The following CD2AP variants were observed in gnomAD, a reference collection of about 807,000 sequenced individuals.
The protein encoded by CD2AP is CD2-associated protein.
In CD2AP, 46 loss-of-function variants were observed where a neutral mutation model predicts 85.1. The ratio of observed to expected loss-of-function variants is 0.54; its 90% CI spans 0.43 to 0.69. The LOEUF (loss-of-function observed/expected upper bound fraction) is 0.69, where lower values mean the gene tolerates loss of function less well. Among genes scored for constraint, CD2AP ranks in the 30% least tolerant of loss-of-function variants. The probability of loss-of-function intolerance (pLI) is 0.00; values close to 1 mark genes in which losing one functional copy is unlikely to be tolerated. For missense variants in CD2AP, 769 were observed against 729.5 expected (o/e 1.05, Z -0.62); for synonymous variants, 255 against 252.9 (o/e 1.01, Z -0.08).
At position 47,606,186 on chromosome 6, in the gene CD2AP, T is replaced by A. The variant is rs765312040; in HGVS notation, c.1439T>A (p.Ile480Lys). Residue 480 changes from isoleucine to lysine, a missense_variant, in exon 14 of 18, where the codon ATA becomes AAA. Ile to Lys is a moderately radical substitution (Grantham distance 102). Transcript: ENST00000359314. ...CTAGATGTTGTAAATTTTGATGACATAGCTTCCTCAGAAAACTTGCTTCAT... is the reference window on the plus strand; with the variant it reads ...CTAGATGTTGTAAATTTTGATGACAAAGCTTCCTCAGAAAACTTGCTTCAT... Reference protein sequence around the residue: ...KETDVVNFDDIASSENLLHLT... With the variant: ...KETDVVNFDDKASSENLLHLT... 35 of 1,595,620 alleles carry A rather than the reference T, an allele frequency of 2.2e-5. No individual in the cohort carries two copies. The highest frequency in any genetic ancestry group is 2.4e-5 in the Non-Finnish European group (28 of 1,163,554).
intron 2 of CD2AP, among the ~76,000 whole-genome samples, chr6:47,528,188 G>A (rs1766779269): frequency 6.6e-6 from 1 of 151,834 alleles, no homozygotes; most frequent in Admixed American, 6.6e-5. Context: ...CTTCTTTTGG[G>A]GGATGAGACA....
At chr6:47,571,176 A>G (rs1220188626) in intron 5 of CD2AP, among the ~76,000 whole-genome samples, 8 of 152,190 alleles carry the variant, frequency 5.3e-5, no homozygotes, top group African/African-American at 1.7e-4. Context: ...CACCTAATAT[A>G]CTAATCTGTA....
At chr6:47,516,375 G>A (rs1336060192) in intron 2 of CD2AP, among the ~76,000 whole-genome samples, 1 of 152,204 alleles carries the variant, frequency 6.6e-6, no homozygotes, top group East Asian at 1.9e-4. Flanking sequence ...CCCTCTGGAA[G>A]TGGTCCATAT....
rs1276073623 is a variant in CD2AP, at chr6:47,624,510, CA to C, written c.*284del. The C allele has an allele frequency of 2.8e-6, 1 of 355,672 alleles. No homozygotes were observed. The highest frequency in any genetic ancestry group is 2.1e-5 in the African/African-American group (1 of 47,540). 22.0% of individuals were successfully genotyped at this position (355,672 alleles called of 1,614,324 possible). A position where few individuals can be genotyped will look rare whatever the true frequency, so the allele number is the denominator to read the frequency against. On this transcript the variant is annotated 3_prime_UTR_variant, in exon 18 of 18. Coordinates refer to ENST00000359314, the MANE Select transcript of CD2AP (RefSeq NM_012120.3). ...ACTACTGAATATAAATAAGAATGTG[CA>C]CAGTAGTTTTTTTATTGAAACTTGT...
Position 47,624,349 on chromosome 6 carries a change from G to A in CD2AP, c.*122G>A. 1.3e-6 allele frequency: 1 copy of A among 776,830 alleles called. No individual in the cohort carries two copies. Among genetic ancestry groups the A allele is most frequent in the Non-Finnish European group, 2.3e-6 (1 of 443,112 alleles). The allele number at this position is 776,830 out of a possible 1,614,324, so 48.1% of individuals were successfully genotyped here. A position where few individuals can be genotyped will look rare whatever the true frequency, so the allele number is the denominator to read the frequency against. On this transcript the variant is annotated 3_prime_UTR_variant, in exon 18 of 18. Coordinates refer to ENST00000359314, the MANE Select transcript of CD2AP (RefSeq NM_012120.3). ...TGTGATAAATATGAGCAAATGAAGT[G>A]TAATATCTATAGAAAAGTAGAGTGA...
At position 47,609,258 on chromosome 6, in the gene CD2AP, A is replaced by C; in HGVS notation, c.1768A>C (p.Ile590Leu). ...TTCCCTGGATGAACTTAGAGCCCAG[A>C]TTATTGAATTGTTGTGCATTGTAGA... ...KNSLDELRAQ[I>L]IELLCIVEAL... The change falls in exon 16 of 18, where the codon ATT (isoleucine) becomes CTT (leucine). Residue 590 changes from isoleucine (I) to leucine (L), a missense_variant. Ile to Leu is a conservative substitution (Grantham distance 5). Transcript: ENST00000359314. 1.2e-6 allele frequency: 2 copies of C among 1,613,822 alleles called. No individual in the cohort carries two copies. Among genetic ancestry groups the C allele is most frequent in the Non-Finnish European group, 1.7e-6 (2 of 1,179,848 alleles).
At chr6:47,572,081 A>G (rs546250644) in intron 5 of CD2AP, among the ~76,000 whole-genome samples, 1 of 152,186 alleles carries the variant, frequency 6.6e-6, no homozygotes, top group African/African-American at 2.4e-5. Context: ...ACACTCCCCC[A>G]TTGTAATAAC....
At chr6:47,512,256 C>T (rs914499728) in intron 2 of CD2AP, among the ~76,000 whole-genome samples, 3 of 150,276 alleles carry the variant, frequency 2.0e-5, no homozygotes, top group East Asian at 3.9e-4. Context: ...GCAGGAGAAT[C>T]GCTTGAACGT....
Position 47,487,644 on chromosome 6 carries a change from C to T in CD2AP, c.4+9396C>T, listed in dbSNP as rs187334413. The stretch of plus-strand genomic sequence containing the variant: ...GGTGGAGCTTGCAGTGAGCTGAGAT[C>T]GCGCCACTGCACTCCAGCCTGGGTG... On this transcript the variant is annotated intron_variant, in intron 1 of 17. Transcript: ENST00000359314. Among the ~76,000 whole-genome samples, 116 of 152,140 alleles carry T rather than the reference C, an allele frequency of 7.6e-4. No individual in the cohort carries two copies. The East Asian group carries it at 0.013, about 17-fold the overall frequency.
chr6:47,480,263 C>T (rs941460007), intron 1 of CD2AP, among the ~76,000 whole-genome samples: 2 of 152,024 alleles, frequency 1.3e-5, no homozygotes, highest in Non-Finnish European at 2.9e-5. Context: ...ATAAAATTCC[C>T]AAGTTCACTT....
intron 17 of CD2AP, among the ~76,000 whole-genome samples, chr6:47,621,898 T>C (rs747885391): frequency 1.3e-5 from 2 of 152,060 alleles, no homozygotes; most frequent in Non-Finnish European, 1.5e-5. Flanking sequence ...GGCGGGGCCG[T>C]AGAACTCCCA....
At chr6:47,497,332 T>TTTCCTTTCCC (rs1765886004) in intron 1 of CD2AP, among the ~76,000 whole-genome samples, 2 of 143,976 alleles carry the variant, frequency 1.4e-5, no homozygotes, top group Admixed American at 6.9e-5. Context: ...TTTCCTTTCC[T>TTTCCTTTCCC]TTCCCTTCCC....
In CD2AP at chr6:47,624,546, A is replaced by C. The variant is rs532632702; in HGVS notation, c.*319A>C. The C allele has an allele frequency of 1.7e-3, 516 of 301,274 alleles. 4 individuals are homozygous for C. The highest frequency in any genetic ancestry group is 0.015 in the Middle Eastern group (14 of 942). The allele number at this position is 301,274 out of a possible 1,614,324, so 18.7% of individuals were successfully genotyped here. A position where few individuals can be genotyped will look rare whatever the true frequency, so the allele number is the denominator to read the frequency against. ...TTTTATTGAAACTTGTATTATTTTT[A>C]AAGAGATCTATACTATAAATATGGT... On this transcript the variant is annotated 3_prime_UTR_variant, in exon 18 of 18. Coordinates refer to ENST00000359314, the MANE Select transcript of CD2AP (RefSeq NM_012120.3).
intron 2 of CD2AP, among the ~76,000 whole-genome samples, chr6:47,508,534 C>CT (rs374284567): frequency 6.2e-5 from 8 of 129,402 alleles, no homozygotes; most frequent in African/African-American, 1.7e-4. Context: ...TTCTTTCTTT[C>CT]TTTTTTTTTT....
chr6:47,522,234 A>G (rs1451813043), intron 2 of CD2AP, among the ~76,000 whole-genome samples: 1 of 152,158 alleles, frequency 6.6e-6, no homozygotes, highest in African/African-American at 2.4e-5. Context: ...TCATGGAAAA[A>G]GCAGAGAAAT....
Position 47,609,523 on chromosome 6 carries a change from AAAAAAAAAGAAAAG to A in CD2AP, c.1814+224_1814+237del, listed in dbSNP as rs1769370677. 1.0e-5 allele frequency: 4 copies of A among 382,218 alleles called. No individual in the cohort carries two copies. The South Asian group carries it at 1.3e-4, about 12-fold the overall frequency. 23.7% of individuals were successfully genotyped at this position (382,218 alleles called of 1,614,324 possible). A position where few individuals can be genotyped will look rare whatever the true frequency, so the allele number is the denominator to read the frequency against. ...AAAACCCCATCTTTGCAAAAAAAAA[AAAAAAAAAGAAAAG>A]AAAAGAAAAGAAAAAGCCAGGCTTG... On this transcript the variant is annotated intron_variant, in intron 16 of 17. Transcript: ENST00000359314.
At chr6:47,500,169 A>AT (rs1424123532) in intron 1 of CD2AP, among the ~76,000 whole-genome samples, 3 of 152,100 alleles carry the variant, frequency 2.0e-5, no homozygotes, top group African/African-American at 7.2e-5. Flanking sequence ...GCTATTTTTT[A>AT]TTTTTTTGTA....
chr6:47,529,671 G>A (rs1023629616), intron 2 of CD2AP, among the ~76,000 whole-genome samples: 2 of 152,178 alleles, frequency 1.3e-5, no homozygotes, highest in African/African-American at 4.8e-5. Flanking sequence ...TGATGTTTTT[G>A]TGACCCAGAG....
At chr6:47,620,314 G>C (rs1769710673) in intron 17 of CD2AP, among the ~76,000 whole-genome samples, 1 of 152,022 alleles carries the variant, frequency 6.6e-6, no homozygotes, top group Non-Finnish European at 1.5e-5. Flanking sequence ...TTGTTGAAAG[G>C]GGTGTCCTTT....
Sources: gnomAD v4.1 joint callset for allele counts (sites outside exome capture counted in the v4.1 genomes callset) on GRCh38, gnomAD v4.1.1 for gene constraint, MANE v1.5 for transcripts, NCBI Gene and HGNC (gene_info 2026-07-23, HGNC 2026-07-21) for gene names.